Variants in CDH2 observed in about 807,000 individuals in gnomAD.
CDH2 encodes the protein cadherin 2.
In CDH2, 17 loss-of-function variants were observed where a neutral mutation model predicts 92.0. That is an observed-to-expected ratio of 0.18 (90% CI 0.13 to 0.28). The LOEUF is 0.28. Ranked by LOEUF, CDH2 falls within the 10% of genes least tolerant of loss-of-function variation. The pLI is 1.00. For synonymous variants in CDH2, 419 were observed against 415.9 expected (o/e 1.01, Z -0.09); for missense variants, 862 against 1,133.1 (o/e 0.76, Z 3.44).
At chr18:27,971,892 T>C (rs1034078458) in intron 14 of CDH2, among the ~76,000 whole-genome samples, 3 of 152,232 alleles carry the variant, frequency 2.0e-5, no homozygotes, top group Admixed American at 6.5e-5. Flanking sequence ...TATAAAGCGA[T>C]TATTTCAAGC....
At chr18:28,106,657 T>C (rs747599068) in intron 2 of CDH2, among the ~76,000 whole-genome samples, 11 of 152,268 alleles carry the variant, frequency 7.2e-5, no homozygotes, top group Non-Finnish European at 1.5e-4. Context: ...AGCACTTCTG[T>C]CCCATTTAAT....
At position 28,043,461 on chromosome 18, in the gene CDH2, A is replaced by AT. The variant is rs2013990816; in HGVS notation, c.173-29553_173-29552insA. ...ACCCTAAAAATTACTGATATAAATA[A>AT]ATATATATATATATATATATATATA... On this transcript the variant is annotated intron_variant, in intron 2 of 15. Coordinates refer to ENST00000269141, the MANE Select transcript of CDH2 (RefSeq NM_001792.5). Among the ~76,000 whole-genome samples, 56 of 71,946 alleles carry AT rather than the reference A, an allele frequency of 7.8e-4. 1 individual carries two copies. Among genetic ancestry groups the AT allele is most frequent in the African/African-American group, 2.3e-3 (40 of 17,274 alleles). 47.2% of individuals were successfully genotyped at this position (71,946 alleles called of 152,430 possible). A position where few individuals can be genotyped will look rare whatever the true frequency, so the allele number is the denominator to read the frequency against.
chr18:28,123,553 CT>C (rs1265382231), intron 2 of CDH2, among the ~76,000 whole-genome samples: 2 of 152,138 alleles, frequency 1.3e-5, no homozygotes, highest in Non-Finnish European at 2.9e-5. Context: ...GGAGCAAGCT[CT>C]TTTCAGGCTT....
chr18:27,934,326 T>C (rs1908971572), intron 6 of CDH2, among the ~76,000 whole-genome samples: 1 of 152,168 alleles, frequency 6.6e-6, no homozygotes, highest in African/African-American at 2.4e-5. Context: ...TCTGAAATGA[T>C]TCTGAGAGCA....
Position 28,056,075 on chromosome 18 carries a change from AT to A in CDH2, c.173-42167del, listed in dbSNP as rs35738385. Among the ~76,000 whole-genome samples, 1,023 of 147,406 alleles carry A rather than the reference AT, an allele frequency of 6.9e-3. 5 individuals are homozygous for A. The highest frequency in any genetic ancestry group is 0.013 in the African/African-American group (524 of 40,330). ...TAAGTGAAGCTATGAGGTATAAAAG[AT>A]TTTTTTTTTTTTAAGAGAAAAAGAG... On this transcript the variant is annotated intron_variant, in intron 2 of 15. Transcript: ENST00000269141.
At chr18:27,961,940 A>C (rs1567938552) in intron 15 of CDH2, among the ~76,000 whole-genome samples, 1 of 151,466 alleles carries the variant, frequency 6.6e-6, no homozygotes, top group East Asian at 1.9e-4. Flanking sequence ...CTGTCTCTAC[A>C]AAAACCAAAA....
Position 27,985,223 on chromosome 18 carries a change from A to G in CDH2, c.1986T>C (p.Ala662=), listed in dbSNP as rs1282744708. 6.3e-7 allele frequency: 1 copy of G among 1,593,636 alleles called. No homozygotes were observed. The highest frequency in any genetic ancestry group is 8.6e-7 in the Non-Finnish European group (1 of 1,161,640). ...GAAATTTTATCTTTAAATTAAGCTG[A>G]GCAAAATCACCTATATGAAAAAGGA... The part of the protein sequence containing the change: ...WTITRLNGDF[A]QLNLKIKFLE... Residue 662 remains alanine, a synonymous_variant, in exon 13 of 16, where the codon GCT becomes GCC. Transcript: ENST00000269141.
intron 1 of CDH2, among the ~76,000 whole-genome samples, chr18:28,162,078 G>A (rs1435115948): frequency 6.6e-6 from 1 of 152,166 alleles, no homozygotes; most frequent in Admixed American, 6.5e-5. Flanking sequence ...GGTTCTCTAT[G>A]TACTGATTCT....
intron 14 of CDH2, among the ~76,000 whole-genome samples, chr18:27,982,147 A>G (rs2012075681): frequency 6.6e-6 from 1 of 152,176 alleles, no homozygotes; most frequent in African/African-American, 2.4e-5. Context: ...TCAAGGATTT[A>G]AGAGAGAGCA....
intron 2 of CDH2, among the ~76,000 whole-genome samples, chr18:28,088,795 A>G (rs999484440): frequency 6.6e-6 from 1 of 152,196 alleles, no homozygotes; most frequent in Admixed American, 6.5e-5. Flanking sequence ...ATAGCAAAAG[A>G]TAGACACCAT....
chr18:28,021,062 T>C (rs2013398078), intron 2 of CDH2, among the ~76,000 whole-genome samples: 1 of 151,950 alleles, frequency 6.6e-6, no homozygotes, highest in Non-Finnish European at 1.5e-5. Context: ...TCGTTGTCAA[T>C]ATCCCCAATC....
intron 2 of CDH2, among the ~76,000 whole-genome samples, chr18:28,064,209 G>T (rs1032057033): frequency 6.6e-6 from 1 of 151,952 alleles, no homozygotes; most frequent in African/African-American, 2.4e-5. Flanking sequence ...TCTAAACATG[G>T]TATCTGTATG....
At chr18:28,002,028 C>T (rs1240260084) in intron 7 of CDH2, among the ~76,000 whole-genome samples, 2 of 152,214 alleles carry the variant, frequency 1.3e-5, no homozygotes, top group Non-Finnish European at 1.5e-5. Flanking sequence ...TGAGTTGGCG[C>T]TTTGATATTT....
chr18:28,014,058 T>A, intron 2 of CDH2, 149 bp from the exon 3 acceptor site: 1 of 623,716 alleles, frequency 1.6e-6, no homozygotes, highest in South Asian at 2.1e-5. Context: ...TTTTATTATA[T>A]CAAAAGCATT....
At chr18:28,043,461 A>AATATATATATAT (rs1158754890) in intron 2 of CDH2, among the ~76,000 whole-genome samples, 71 of 71,924 alleles carry the variant, frequency 9.9e-4, no homozygotes, top group African/African-American at 2.3e-3. Context: ...GATATAAATA[A>AATATATATATAT]ATATATATAT....
At chr18:27,936,711 T>G (rs1909028496) in intron 6 of CDH2, among the ~76,000 whole-genome samples, 2 of 152,122 alleles carry the variant, frequency 1.3e-5, no homozygotes, top group Admixed American at 1.3e-4. Context: ...TTTATGCTAT[T>G]TTTTGTAGAG....
intron 2 of CDH2, among the ~76,000 whole-genome samples, chr18:28,107,899 A>G (rs972146153): frequency 2.0e-5 from 3 of 152,184 alleles, no homozygotes; most frequent in African/African-American, 4.8e-5. Flanking sequence ...ACACCCTCCC[A>G]TTCTAGGCCA....
At chr18:28,126,132 G>C (rs985733258) in intron 2 of CDH2, among the ~76,000 whole-genome samples, 1 of 152,046 alleles carries the variant, frequency 6.6e-6, no homozygotes, top group Admixed American at 6.5e-5. Flanking sequence ...AGATGTATAT[G>C]CTTTAAAATC....
At chr18:28,016,771 A>G (rs1405288982) in intron 2 of CDH2, among the ~76,000 whole-genome samples, 1 of 152,200 alleles carries the variant, frequency 6.6e-6, no homozygotes, top group Non-Finnish European at 1.5e-5. Flanking sequence ...TAACAAAAAG[A>G]TCTGAAAAAT....
Sources: gnomAD v4.1 joint callset for allele counts (sites outside exome capture counted in the v4.1 genomes callset) on GRCh38, gnomAD v4.1.1 for gene constraint, MANE v1.5 for transcripts, NCBI Gene and HGNC (gene_info 2026-07-23, HGNC 2026-07-21) for gene names.